CPSF2: variants seen among roughly 807,000 people sequenced by gnomAD.
CPSF2 encodes the protein cleavage and polyadenylation specific factor 2, also known as cleavage and polyadenylation specificity factor subunit 2.
Under a neutral mutation model 84.2 loss-of-function variants are expected in CPSF2, and 51 were observed. The ratio of observed to expected loss-of-function variants is 0.61; its 90% confidence interval spans 0.48 to 0.77. CPSF2 has a LOEUF of 0.77. Ranked by LOEUF, CPSF2 falls within the 30% of genes least tolerant of loss-of-function variation. The pLI, the probability that CPSF2 is intolerant of heterozygous loss-of-function variation, is 0.00. For missense variants in CPSF2, 641 were observed against 929.4 expected (o/e 0.69, Z 4.03); for synonymous variants, 286 against 311.9 (o/e 0.92, Z 0.87).
At position 92,155,293 on chromosome 14, in the gene CPSF2, T is replaced by C; in HGVS notation, c.1412T>C (p.Ile471Thr). The stretch of plus-strand genomic sequence containing the variant: ...ATGTTTCCTGCCCCAGAAGAAAGAA[T>C]TAAATGGGATGAATATGGAGAGATT... ...YPMFPAPEERIKWDEYGEIIK... is the reference protein window; with the variant it reads ...YPMFPAPEERTKWDEYGEIIK... Residue 471 changes from isoleucine (I) to threonine (T), a missense_variant, in exon 11 of 16, where the codon ATT becomes ACT. By Grantham distance (89) the Ile-to-Thr change is moderately conservative. Coordinates refer to ENST00000298875, the MANE Select transcript of CPSF2 (RefSeq NM_017437.3). The C allele has an allele frequency of 1.2e-6, 2 of 1,614,046 alleles. No homozygotes were observed. Among genetic ancestry groups the C allele is most frequent in the Non-Finnish European group, 1.7e-6 (2 of 1,179,952 alleles).
Position 92,135,357 on chromosome 14 carries a change from G to C in CPSF2, c.416-10G>C. 6.3e-7 allele frequency: 1 copy of C among 1,591,490 alleles called. No homozygotes were observed. Among genetic ancestry groups the C allele is most frequent in the Non-Finnish European group, 8.5e-7 (1 of 1,171,954 alleles). ...AAAGAAATCTGAGTATTGTTATCTT[G>C]TTGACATAGGTAAAGGACATGGCCT... On this transcript the variant is annotated splice_polypyrimidine_tract_variant and intron_variant, in intron 5 of 15. Coordinates refer to ENST00000298875, the MANE Select transcript of CPSF2 (RefSeq NM_017437.3).
At position 92,161,977 on chromosome 14, in the gene CPSF2, GA is replaced by G; in HGVS notation, c.*234del. ...GCTCCTAACAGGTGTACAGGCCCAAGAGTTGAAGGTGATTGGTTTTCTTTAC... is the reference window on the plus strand; with the variant it reads ...GCTCCTAACAGGTGTACAGGCCCAAGGTTGAAGGTGATTGGTTTTCTTTAC... On this transcript the variant is annotated 3_prime_UTR_variant, in exon 16 of 16. Transcript: ENST00000298875. The G allele has an allele frequency of 3.1e-6, 1 of 324,030 alleles. No homozygotes were observed. Among genetic ancestry groups the G allele is most frequent in the Non-Finnish European group, 5.6e-6 (1 of 179,886 alleles). The allele number at this position is 324,030 out of a possible 1,614,324, so 20.1% of individuals were successfully genotyped here.
At chr14:92,156,718 A>T (rs964243612) in intron 12 of CPSF2, 87 bp downstream of exon 12, 2 of 917,052 alleles carry the variant, frequency 2.2e-6, no homozygotes, top group Admixed American at 2.8e-5. Flanking sequence ...TGTCAAGCAA[A>T]ATTTCTGAAT....
In CPSF2 at chr14:92,169,009, T is replaced by C. The variant is rs1455781830; in HGVS notation, c.*7265T>C. 6.6e-6 allele frequency: 1 copy of C among 152,240 alleles called. No individual in the cohort carries two copies. Among genetic ancestry groups the C allele is most frequent in the African/African-American group, 2.4e-5 (1 of 41,472 alleles). 9.4% of individuals were successfully genotyped at this position (152,240 alleles called of 1,614,324 possible). ...ATATAAAGGACTCGTGAGGCCTTCC[T>C]ACCTCATTTTCTGAGGTTATGTTGA... On this transcript the variant is annotated 3_prime_UTR_variant, in exon 16 of 16. Coordinates refer to ENST00000298875, the MANE Select transcript of CPSF2 (RefSeq NM_017437.3).
chr14:92,145,495 A>G (rs1350480309), intron 9 of CPSF2, among the ~76,000 whole-genome samples: 1 of 152,246 alleles, frequency 6.6e-6, no homozygotes, highest in Non-Finnish European at 1.5e-5. Context: ...TAAGAAAATC[A>G]TAACATCAGT....
At position 92,157,024 on chromosome 14, in the gene CPSF2, C is replaced by A. The variant is rs918736370; in HGVS notation, c.1595+393C>A. 1.3e-5 allele frequency among the ~76,000 whole-genome samples: 2 copies of A among 152,140 alleles called. No individual in the cohort carries two copies. The highest frequency in any genetic ancestry group is 2.4e-5 in the African/African-American group (1 of 41,416). On this transcript the variant is annotated intron_variant, in intron 12 of 15. Coordinates refer to ENST00000298875, the MANE Select transcript of CPSF2 (RefSeq NM_017437.3). The surrounding 1 kb of genome is among the most constrained non-coding windows in gnomAD (Gnocchi z 4.0). The stretch of plus-strand genomic sequence containing the variant: ...CTCCTTAACTTAAACATCTCTAAGA[C>A]CCTAATGTCTGGAAAATACTGTTGT...
Position 92,157,660 on chromosome 14 carries a change from G to T in CPSF2, c.1597G>T (p.Ala533Ser). ...TTGAATAATCATATCTAATTACAGA[G>T]CCCGGGTTACCTACATAGACTATGA... is the stretch of plus-strand genomic sequence containing the variant. Reference protein sequence around the residue: ...ISTTESIEIKARVTYIDYEGR... With the variant: ...ISTTESIEIKSRVTYIDYEGR... Residue 533 changes from alanine to serine, a missense_variant and splice_region_variant, in exon 13 of 16, where the codon GCC (alanine) becomes TCC (serine). Around this residue, in one of 2 missense-constraint regions of CPSF2, gnomAD observed 430 missense variants for 553.6 expected, o/e 0.78. Coordinates refer to ENST00000298875, the MANE Select transcript of CPSF2 (RefSeq NM_017437.3). The surrounding 1 kb of genome is among the most constrained non-coding windows in gnomAD (Gnocchi z 4.0). 1 of 1,610,638 alleles carries T rather than the reference G, an allele frequency of 6.2e-7. No individual in the cohort carries two copies. The highest frequency in any genetic ancestry group is 8.5e-7 in the Non-Finnish European group (1 of 1,177,350).
intron 2 of CPSF2, among the ~76,000 whole-genome samples, chr14:92,130,668 C>T (rs1377942093): frequency 6.6e-6 from 1 of 151,978 alleles, no homozygotes; most frequent in East Asian, 1.9e-4. Context: ...ATATATGGGT[C>T]TATTTGATTG....
chr14:92,153,834 C>T (rs529466847), intron 9 of CPSF2, among the ~76,000 whole-genome samples: 231 of 145,558 alleles, frequency 1.6e-3, no homozygotes, highest in Non-Finnish European at 2.2e-3. Flanking sequence ...ACCTGAGTAG[C>T]GGGGACAACA....
chr14:92,162,617 C>T lies in CPSF2; in HGVS notation c.*873C>T, dbSNP rs1199184728. ...TTAAAAGGTGTAAATGTTTTCATCT[C>T]TTAGGCTTGCTGTCTCCTAAGGTCA... is the stretch of plus-strand genomic sequence containing the variant. On this transcript the variant is annotated 3_prime_UTR_variant, in exon 16 of 16. Coordinates refer to ENST00000298875, the MANE Select transcript of CPSF2 (RefSeq NM_017437.3). 6.6e-6 allele frequency: 1 copy of T among 152,110 alleles called. No homozygotes were observed. The highest frequency in any genetic ancestry group is 1.5e-5 in the Non-Finnish European group (1 of 68,020). The allele number at this position is 152,110 out of a possible 1,614,324, so 9.4% of individuals were successfully genotyped here. A position where few individuals can be genotyped will look rare whatever the true frequency, so the allele number is the denominator to read the frequency against.
chr14:92,155,313 G>T lies in CPSF2; in HGVS notation c.1432G>T (p.Glu478Ter), dbSNP rs1472961464. ...AAGAATTAAATGGGATGAATATGGAGAGATTATCAAGTATGTGAGCAAAAC... is the reference window on the plus strand; with the variant it reads ...AAGAATTAAATGGGATGAATATGGATAGATTATCAAGTATGTGAGCAAAAC... ...EERIKWDEYG[E>*]IIKPEDFLVP... Residue 478 changes from glutamate to a stop codon, truncating the protein, a stop_gained, in exon 11 of 16, where the codon GAG (glutamate) becomes TAG (stop). Coordinates refer to ENST00000298875, the MANE Select transcript of CPSF2 (RefSeq NM_017437.3). LOFTEE classifies it high-confidence loss of function. 1.9e-6 allele frequency: 3 copies of T among 1,613,486 alleles called. No homozygotes were observed. The highest frequency in any genetic ancestry group is 2.5e-6 in the Non-Finnish European group (3 of 1,179,446).
intron 9 of CPSF2, among the ~76,000 whole-genome samples, chr14:92,148,909 G>A (rs1214976681): frequency 6.6e-6 from 1 of 151,834 alleles, no homozygotes; most frequent in Non-Finnish European, 1.5e-5. Context: ...AGAAGATATG[G>A]GTCTACCTTA....
intron 9 of CPSF2, among the ~76,000 whole-genome samples, chr14:92,153,005 A>C (rs2069241406): frequency 7.0e-6 from 1 of 142,482 alleles, no homozygotes; most frequent in Non-Finnish European, 1.5e-5. Flanking sequence ...TTTTTTACAC[A>C]TTTGTGATTG....
chr14:92,155,010 C>A, intron 10 of CPSF2, 113 bp from the exon 11 acceptor site: 1 of 707,048 alleles, frequency 1.4e-6, no homozygotes, highest in Non-Finnish European at 2.3e-6. Context: ...TGTATATTAT[C>A]ATTTAATATT....
At chr14:92,123,530 C>CT (rs1284641126) in intron 1 of CPSF2, among the ~76,000 whole-genome samples, 1 of 151,956 alleles carries the variant, frequency 6.6e-6, no homozygotes, top group African/African-American at 2.4e-5. Flanking sequence ...TCCCAAGTAG[C>CT]TGGGGTCACC....
At chr14:92,130,837 G>C in intron 2 of CPSF2, 114 bp from the exon 3 acceptor site, 1 of 642,784 alleles carries the variant, frequency 1.6e-6, no homozygotes, top group Non-Finnish European at 2.4e-6. Context: ...ACTGCTTTTC[G>C]TGTTAATGGA....
rs34334559 is a variant in CPSF2, at chr14:92,150,126, A to AT, written c.1141-4222dup. Among the ~76,000 whole-genome samples the AT allele has an allele frequency of 1.2e-3, 179 of 147,924 alleles. 1 individual carries two copies. Among genetic ancestry groups the AT allele is most frequent in the South Asian group, 0.011 (53 of 4,704 alleles). On this transcript the variant is annotated intron_variant, in intron 9 of 15. Coordinates refer to ENST00000298875, the MANE Select transcript of CPSF2 (RefSeq NM_017437.3). ...CTGGGAACACCTTTTTTTTGTTGGTATTTTTTTTTTCTTGTGTTTGAGACG... is the reference window on the plus strand; with the variant it reads ...CTGGGAACACCTTTTTTTTGTTGGTATTTTTTTTTTTCTTGTGTTTGAGACG...
intron 9 of CPSF2, among the ~76,000 whole-genome samples, chr14:92,145,172 G>A (rs1420815711): frequency 6.6e-6 from 1 of 152,182 alleles, no homozygotes. Flanking sequence ...ACATAGAACT[G>A]TAACAAACCT....
chr14:92,154,248 G>A (rs2069259748), intron 9 of CPSF2, 110 bp from the exon 10 acceptor site: 6 of 671,764 alleles, frequency 8.9e-6, no homozygotes, highest in Non-Finnish European at 1.5e-5. Flanking sequence ...GAAACAATCA[G>A]TTTAAAGATG....
Sources: allele counts gnomAD v4.1 joint callset (sites outside exome capture counted in the v4.1 genomes callset), GRCh38; gene constraint gnomAD v4.1.1; regional missense constraint gnomAD v4.1.1; non-coding constraint Gnocchi (gnomAD v3.1); transcripts MANE v1.5; gene names NCBI Gene and HGNC (gene_info 2026-07-23, HGNC 2026-07-21).